Variants in PPP2CB observed in about 807,000 individuals in gnomAD.
PPP2CB encodes the protein protein phosphatase 2 catalytic subunit beta, also known as serine/threonine-protein phosphatase 2A catalytic subunit beta isoform.
A neutral mutation model predicts 39.1 loss-of-function variants in PPP2CB; 18 were observed. The ratio of observed to expected loss-of-function variants is 0.46; its 90% CI spans 0.32 to 0.68. PPP2CB has a LOEUF of 0.68. PPP2CB is among the 30% of genes least tolerant of loss of function. The probability of loss-of-function intolerance (pLI) is 0.04; values close to 1 mark genes in which losing one functional copy is unlikely to be tolerated. For synonymous variants in PPP2CB, 129 were observed against 133.8 expected (o/e 0.96, Z 0.25); for missense variants, 226 against 396.9 (o/e 0.57, Z 3.66).
intron 6 of PPP2CB, among the ~76,000 whole-genome samples, chr8:30,789,360 G>A (rs909869449): frequency 6.6e-6 from 1 of 152,128 alleles, no homozygotes; most frequent in Non-Finnish European, 1.5e-5. Context: ...TTCACAGCCT[G>A]GCTACTGAGG....
chr8:30,808,031 T>C (rs1806752704), intron 1 of PPP2CB, among the ~76,000 whole-genome samples: 1 of 152,190 alleles, frequency 6.6e-6, no homozygotes, highest in Non-Finnish European at 1.5e-5. Flanking sequence ...CTAGGATAGA[T>C]TTTATTTTTG....
chr8:30,789,023 C>T (rs13268487), intron 6 of PPP2CB, among the ~76,000 whole-genome samples: 7,834 of 151,444 alleles, frequency 0.052, 271 homozygotes, highest in Non-Finnish European at 0.082. Context: ...GTGTGCAGCC[C>T]CTGTGGCCCT....
chr8:30,812,703 C>T lies in PPP2CB; in HGVS notation c.-282G>A. ...GTCGGTGAAGGACGCGGTGAGGTGC[C>T]GGGGAGCGCGGCGCGGGTCCTCGGC... On this transcript the variant is annotated 5_prime_UTR_variant, in exon 1 of 7. Coordinates refer to ENST00000221138, the MANE Select transcript of PPP2CB (RefSeq NM_001009552.2). 4.6e-6 allele frequency: 2 copies of T among 438,728 alleles called. No individual in the cohort carries two copies. The highest frequency in any genetic ancestry group is 1.7e-5 in the South Asian group (1 of 57,536). 27.2% of individuals were successfully genotyped at this position (438,728 alleles called of 1,614,324 possible). A position where few individuals can be genotyped will look rare whatever the true frequency, so the allele number is the denominator to read the frequency against.
intron 6 of PPP2CB, among the ~76,000 whole-genome samples, chr8:30,787,203 T>C (rs1586119231): frequency 6.6e-6 from 1 of 152,210 alleles, no homozygotes; most frequent in Admixed American, 6.5e-5. Context: ...AAATTTTATA[T>C]CTGTATTCGT....
intron 3 of PPP2CB, among the ~76,000 whole-genome samples, chr8:30,794,749 C>T (rs971013397): frequency 1.5e-4 from 23 of 152,120 alleles, no homozygotes; most frequent in Non-Finnish European, 3.4e-4. Context: ...ATTACAGGTG[C>T]ATGCCACTGT....
intron 1 of PPP2CB, among the ~76,000 whole-genome samples, chr8:30,809,129 G>A (rs969370411): frequency 6.6e-6 from 1 of 150,870 alleles, no homozygotes; most frequent in Non-Finnish European, 1.5e-5. Flanking sequence ...GGCCAGGCTG[G>A]TCTTGAACTC....
chr8:30,806,273 C>A (rs1404856034), intron 1 of PPP2CB, among the ~76,000 whole-genome samples: 1 of 151,404 alleles, frequency 6.6e-6, no homozygotes, highest in Admixed American at 6.6e-5. Flanking sequence ...CCAGGATGGT[C>A]TGGATCTCCT....
chr8:30,805,068 G>A (rs1299063655), intron 1 of PPP2CB, among the ~76,000 whole-genome samples: 2 of 152,038 alleles, frequency 1.3e-5, no homozygotes, highest in Admixed American at 6.5e-5. Context: ...TTGAATGTAC[G>A]GGATAACTAC....
intron 1 of PPP2CB, among the ~76,000 whole-genome samples, chr8:30,805,378 G>A (rs933154061): frequency 6.6e-6 from 1 of 152,084 alleles, no homozygotes; most frequent in Non-Finnish European, 1.5e-5. Flanking sequence ...GGCTCACATG[G>A]TGAAACTCCA....
chr8:30,809,330 T>G (rs1175084488), intron 1 of PPP2CB, among the ~76,000 whole-genome samples: 1 of 152,108 alleles, frequency 6.6e-6, no homozygotes, highest in Non-Finnish European at 1.5e-5. Context: ...GAAGCAGGAC[T>G]GGAACTCAGA....
At position 30,794,271 on chromosome 8, in the gene PPP2CB, A is replaced by G; in HGVS notation, c.497T>C (p.Leu166Pro). 1 of 1,611,358 alleles carries G rather than the reference A, an allele frequency of 6.2e-7. No individual in the cohort carries two copies. The change falls in exon 4 of 7, where the codon CTC becomes CCC. Residue 166 changes from leucine to proline, a missense_variant. By Grantham distance (98) the Leu-to-Pro change is moderately conservative. Around this residue, in one of 4 missense-constraint regions of PPP2CB, gnomAD observed 110 missense variants for 244.1 expected, o/e 0.45. Transcript: ENST00000221138. ...TALVDGQIFC[L>P]HGGLSPSIDT... is the part of the protein sequence containing the mutation. ...TATGGATGGAGAGAGGCCACCATGG[A>G]GGCAGAATATCTATGTATGAATTAA...
At position 30,804,793 on chromosome 8, in the gene PPP2CB, T is replaced by C. The variant is rs1310330836; in HGVS notation, c.103-5038A>G. On this transcript the variant is annotated intron_variant, in intron 1 of 6. Coordinates refer to ENST00000221138, the MANE Select transcript of PPP2CB (RefSeq NM_001009552.2). Reference sequence around the variant, plus strand: ...AAGATGGTGTCAGAGGTGAGAACAGTGTTAGGGACTGTGCCTTCTAACTCT... The same window carrying C: ...AAGATGGTGTCAGAGGTGAGAACAGCGTTAGGGACTGTGCCTTCTAACTCT... Among the ~76,000 whole-genome samples the C allele has an allele frequency of 2.6e-5, 4 of 152,174 alleles. No homozygotes were observed. The South Asian group carries it at 8.3e-4, about 32-fold the overall frequency.
In PPP2CB at chr8:30,790,827, G is replaced by GA. The variant is rs1265622418; in HGVS notation, c.857+369dup. Among the ~76,000 whole-genome samples the GA allele has an allele frequency of 3.9e-5, 6 of 152,302 alleles. No homozygotes were observed. The South Asian group carries it at 1.2e-3, about 32-fold the overall frequency. On this transcript the variant is annotated intron_variant, in intron 6 of 6. Coordinates refer to ENST00000221138, the MANE Select transcript of PPP2CB (RefSeq NM_001009552.2). The stretch of plus-strand genomic sequence containing the variant: ...AGCCCTGGGAGCTGATGAAGAGGGG[G>GA]AATCCCTTAGCCTCCTGACTATACC...
intron 6 of PPP2CB, 150 bp downstream of exon 6, chr8:30,791,046 TA>T: frequency 1.8e-6 from 1 of 559,296 alleles, no homozygotes; most frequent in Non-Finnish European, 3.1e-6. Flanking sequence ...AATTATTTTT[TA>T]AAAATAATGT....
chr8:30,788,298 CT>C (rs1259931820), intron 6 of PPP2CB, among the ~76,000 whole-genome samples: 2 of 151,224 alleles, frequency 1.3e-5, no homozygotes, highest in Non-Finnish European at 1.5e-5. Flanking sequence ...GGTCTTTGCT[CT>C]GTTGCCTAGG....
Position 30,793,906 on chromosome 8 carries a change from A to G in PPP2CB, c.738+11T>C, listed in dbSNP as rs764923813. Reference sequence around the variant, plus strand: ...CTGAAATAAAGATCATTCTGTCAGGAAAGTACATACCTCCATTACAAGCTG... The same window carrying G: ...CTGAAATAAAGATCATTCTGTCAGGGAAGTACATACCTCCATTACAAGCTG... On this transcript the variant is annotated intron_variant, in intron 5 of 6. Coordinates refer to ENST00000221138, the MANE Select transcript of PPP2CB (RefSeq NM_001009552.2). 3 of 1,604,156 alleles carry G rather than the reference A, an allele frequency of 1.9e-6. No homozygotes were observed. The highest frequency in any genetic ancestry group is 1.7e-6 in the Non-Finnish European group (2 of 1,176,070).
At chr8:30,787,513 T>C (rs1806363539) in intron 6 of PPP2CB, among the ~76,000 whole-genome samples, 1 of 152,188 alleles carries the variant, frequency 6.6e-6, no homozygotes, top group Non-Finnish European at 1.5e-5. Flanking sequence ...TTAATTTTTG[T>C]ATTCTTTGTA....
chr8:30,785,836 G>A lies in PPP2CB; in HGVS notation c.*399C>T. On this transcript the variant is annotated 3_prime_UTR_variant, in exon 7 of 7. Coordinates refer to ENST00000221138, the MANE Select transcript of PPP2CB (RefSeq NM_001009552.2). The stretch of plus-strand genomic sequence containing the variant: ...ATAAAATAAAGGATAATGGATTAGT[G>A]GAAGTTAGCTTGTGAATTTTTCTTA... 1 of 325,536 alleles carries A rather than the reference G, an allele frequency of 3.1e-6. No individual in the cohort carries two copies. The highest frequency in any genetic ancestry group is 2.5e-5 in the South Asian group (1 of 39,312). 20.2% of individuals were successfully genotyped at this position (325,536 alleles called of 1,614,324 possible).
At chr8:30,791,607 T>C (rs1426881774) in intron 5 of PPP2CB, 1 of 203,974 alleles carries the variant, frequency 4.9e-6, no homozygotes, top group African/African-American at 2.3e-5. Context: ...CATAATTAAT[T>C]TCTCAATTTT....
Sources: gnomAD v4.1 joint callset for allele counts (sites outside exome capture counted in the v4.1 genomes callset) on GRCh38, gnomAD v4.1.1 for gene constraint, gnomAD v4.1.1 regional missense constraint, MANE v1.5 for transcripts, NCBI Gene and HGNC (gene_info 2026-07-23, HGNC 2026-07-21) for gene names.